Variants in ANKRD52 observed in about 807,000 individuals in gnomAD.
The protein encoded by ANKRD52 is ankyrin repeat domain 52.
A neutral mutation model predicts 116.0 loss-of-function variants in ANKRD52; 7 were observed. The ratio of observed to expected loss-of-function variants is 0.06; its 90% CI spans 0.03 to 0.11. The LOEUF (loss-of-function observed/expected upper bound fraction) is 0.11, where lower values mean the gene tolerates loss of function less well. Ranked by LOEUF, ANKRD52 falls within the 10% of genes least tolerant of loss-of-function variation. The pLI is 1.00. For synonymous variants in ANKRD52, 528 were observed against 578.1 expected (o/e 0.91, Z 1.24); for missense variants, 839 against 1,408.6 (o/e 0.60, Z 6.47).
At chr12:56,245,907 G>T (rs2135880357) in intron 20 of ANKRD52, among the ~76,000 whole-genome samples, 1 of 151,148 alleles carries the variant, frequency 6.6e-6, no homozygotes, top group South Asian at 2.1e-4. Context: ...AGTAGAGACA[G>T]GGTTTCACCA....
rs765622866 is a variant in ANKRD52, at chr12:56,254,841, A to AT, written c.550+23dup. 10 of 1,607,796 alleles carry AT rather than the reference A, an allele frequency of 6.2e-6. No individual in the cohort carries two copies. Among genetic ancestry groups the AT allele is most frequent in the Non-Finnish European group, 8.5e-6 (10 of 1,174,678 alleles). On this transcript the variant is annotated intron_variant, in intron 6 of 27. Coordinates refer to ENST00000267116, the MANE Select transcript of ANKRD52 (RefSeq NM_173595.4). This position sits in a 1 kb window ranked among gnomAD's most constrained non-coding sequence, Gnocchi z 4.6. ...AGGAATCCTAAATGTCAAATTTCTGATTTTCCCGTGTATTCTCTCTCACCT... is the reference window on the plus strand; with the variant it reads ...AGGAATCCTAAATGTCAAATTTCTGATTTTTCCCGTGTATTCTCTCTCACCT...
At position 56,253,093 on chromosome 12, in the gene ANKRD52, A is replaced by G. The variant is rs1871780807; in HGVS notation, c.1101-7T>C. 1 of 1,564,620 alleles carries G rather than the reference A, an allele frequency of 6.4e-7. No individual in the cohort carries two copies. Among genetic ancestry groups the G allele is most frequent in the Non-Finnish European group, 8.7e-7 (1 of 1,155,644 alleles). ...CATGTCATGGATGCCACGCCTAGAG[A>G]GAAGTTGAGGGACTCAGTCCTTGGG... is the stretch of plus-strand genomic sequence containing the variant. On this transcript the variant is annotated splice_region_variant and splice_polypyrimidine_tract_variant and intron_variant, in intron 10 of 27. Coordinates refer to ENST00000267116, the MANE Select transcript of ANKRD52 (RefSeq NM_173595.4). The surrounding 1 kb of genome is among the most constrained non-coding windows in gnomAD (Gnocchi z 5.5).
rs1565612296 is a variant in ANKRD52 at position 56,254,672 on chromosome 12, C to T, written c.599G>A (p.Gly200Asp). ...CCCATAGCCCTTGCGGTCCTTGCAG[C>T]CGAGGTCTGCTCCCCGTGCCACCAG... ...KLLVARGADL[G>D]CKDRKGYGLL... Residue 200 changes from glycine to aspartate, a missense_variant, in exon 7 of 28, where the codon GGC (glycine) becomes GAC (aspartate). By Grantham distance (94) the Gly-to-Asp change is moderately conservative. Around this residue, in one of 2 missense-constraint regions of ANKRD52, gnomAD observed 287 missense variants for 598.1 expected, o/e 0.48. Coordinates refer to ENST00000267116, the MANE Select transcript of ANKRD52 (RefSeq NM_173595.4). The surrounding 1 kb of genome is among the most constrained non-coding windows in gnomAD (Gnocchi z 4.6). 1.2e-6 allele frequency: 2 copies of T among 1,613,460 alleles called. No individual in the cohort carries two copies. The highest frequency in any genetic ancestry group is 1.7e-6 in the Non-Finnish European group (2 of 1,179,500).
chr12:56,253,577 T>C lies in ANKRD52; in HGVS notation c.985+145A>G. The C allele has an allele frequency of 1.0e-6, 1 of 995,794 alleles. No homozygotes were observed. Among genetic ancestry groups the C allele is most frequent in the South Asian group, 1.6e-5 (1 of 63,474 alleles). 61.7% of individuals were successfully genotyped at this position (995,794 alleles called of 1,614,324 possible). On this transcript the variant is annotated intron_variant, in intron 9 of 27. Coordinates refer to ENST00000267116, the MANE Select transcript of ANKRD52 (RefSeq NM_173595.4). The surrounding 1 kb of genome is among the most constrained non-coding windows in gnomAD (Gnocchi z 5.5). ...GACTGGGCAGGGCAGAGCAGGGCCATTTCCACAGGTCCCTTGGTCAGAGTT... is the reference window on the plus strand; with the variant it reads ...GACTGGGCAGGGCAGAGCAGGGCCACTTCCACAGGTCCCTTGGTCAGAGTT...
intron 4 of ANKRD52, among the ~76,000 whole-genome samples, chr12:56,256,226 T>C (rs1871946062): frequency 6.6e-6 from 1 of 152,174 alleles, no homozygotes; most frequent in Admixed American, 6.5e-5. Flanking sequence ...TCAAGCCACC[T>C]GACTCGCCAA....
rs774326864 is a variant in ANKRD52 at position 56,255,893 on chromosome 12, C to T, written c.353G>A (p.Arg118Gln). 3.2e-6 allele frequency: 5 copies of T among 1,571,696 alleles called. No homozygotes were observed. The highest frequency in any genetic ancestry group is 4.3e-6 in the Non-Finnish European group (5 of 1,158,092). The change falls in exon 5 of 28, where the codon CGG becomes CAG. Residue 118 changes from arginine to glutamine, a missense_variant. Coordinates refer to ENST00000267116, the MANE Select transcript of ANKRD52 (RefSeq NM_173595.4). The surrounding 1 kb of genome is among the most constrained non-coding windows in gnomAD (Gnocchi z 4.3). ...CAGAGCCTCAGCACACTTGGTGGCC[C>T]GGTTGGCAGCAGCCACATGCAGTGG... ...QTPLHVAAANRATKCAEALAP... is the reference protein window; with the variant it reads ...QTPLHVAAANQATKCAEALAP...
In ANKRD52 at chr12:56,252,720, G is replaced by T; in HGVS notation, c.1301+60C>A. ...AATAGATCTGGGCAGGCAAGAATGA[G>T]GGGCCCAGACCTTTGCCCAGCTCCC... is the stretch of plus-strand genomic sequence containing the variant. On this transcript the variant is annotated intron_variant, in intron 12 of 27. Coordinates refer to ENST00000267116, the MANE Select transcript of ANKRD52 (RefSeq NM_173595.4). The surrounding 1 kb of genome is among the most constrained non-coding windows in gnomAD (Gnocchi z 4.7). 2 of 1,573,974 alleles carry T rather than the reference G, an allele frequency of 1.3e-6. No homozygotes were observed. The highest frequency in any genetic ancestry group is 1.1e-5 in the South Asian group (1 of 89,992).
intron 15 of ANKRD52, among the ~76,000 whole-genome samples, chr12:56,251,404 C>T (rs1016470849): frequency 6.6e-6 from 1 of 150,926 alleles, no homozygotes. Context: ...GCCACCACAC[C>T]TGGTTAATTT....
rs75993234 is a variant in ANKRD52, at chr12:56,254,513, C to T, written c.693+65G>A. On this transcript the variant is annotated intron_variant, in intron 7 of 27. Coordinates refer to ENST00000267116, the MANE Select transcript of ANKRD52 (RefSeq NM_173595.4). The surrounding 1 kb of genome is among the most constrained non-coding windows in gnomAD (Gnocchi z 4.6). ...CCAACATCCCAATACCTCATATCTC[C>T]GTAACAGACTATAATCTCCTACTTG... 3.9e-3 allele frequency: 6,213 copies of T among 1,585,758 alleles called. 23 individuals carry two copies. Among genetic ancestry groups the T allele is most frequent in the South Asian group, 4.5e-3 (398 of 87,700 alleles).
chr12:56,246,148 G>A (rs1316320924), intron 20 of ANKRD52, among the ~76,000 whole-genome samples: 1 of 152,112 alleles, frequency 6.6e-6, no homozygotes. Context: ...TCCTGTCTCA[G>A]CCTCCCAAGT....
Position 56,252,727 on chromosome 12 carries a change from A to G in ANKRD52, c.1301+53T>C. The G allele has an allele frequency of 6.3e-7, 1 of 1,587,924 alleles. No individual in the cohort carries two copies. On this transcript the variant is annotated intron_variant, in intron 12 of 27. Coordinates refer to ENST00000267116, the MANE Select transcript of ANKRD52 (RefSeq NM_173595.4). This position sits in a 1 kb window ranked among gnomAD's most constrained non-coding sequence, Gnocchi z 4.7. ...CTGGGCAGGCAAGAATGAGGGGCCC[A>G]GACCTTTGCCCAGCTCCCTGCTCAA...
At position 56,255,916 on chromosome 12, in the gene ANKRD52, T is replaced by C. The variant is rs771855895; in HGVS notation, c.330A>G (p.Pro110=). The C allele has an allele frequency of 1.6e-5, 25 of 1,573,874 alleles. No homozygotes were observed. The South Asian group carries it at 2.7e-4, about 17-fold the overall frequency. ...CCCGGTTGGCAGCAGCCACATGCAGTGGTGTCTGCCACAGCTTGTCCCGGG... is the reference window on the plus strand; with the variant it reads ...CCCGGTTGGCAGCAGCCACATGCAGCGGTGTCTGCCACAGCTTGTCCCGGG... ...VNARDKLWQT[P]LHVAAANRAT... is the part of the protein sequence containing the mutation. The change falls in exon 5 of 28, where the codon CCA becomes CCG. Residue 110 remains proline (P), a synonymous_variant. Transcript: ENST00000267116. The surrounding 1 kb of genome is among the most constrained non-coding windows in gnomAD (Gnocchi z 4.3).
chr12:56,255,743 A>G lies in ANKRD52; in HGVS notation c.462+41T>C. The G allele has an allele frequency of 1.3e-6, 2 of 1,517,736 alleles. No individual in the cohort carries two copies. The highest frequency in any genetic ancestry group is 1.8e-6 in the Non-Finnish European group (2 of 1,120,264). The allele number at this position is 1,517,736 out of a possible 1,614,324, so 94.0% of individuals were successfully genotyped here. A position where few individuals can be genotyped will look rare whatever the true frequency, so the allele number is the denominator to read the frequency against. On this transcript the variant is annotated intron_variant, in intron 5 of 27. Transcript: ENST00000267116. This position sits in a 1 kb window ranked among gnomAD's most constrained non-coding sequence, Gnocchi z 4.3. The stretch of plus-strand genomic sequence containing the variant: ...GAAACGTGAGTAGGAAGGTAAGAAA[A>G]GGGAAAGCCCCAGCTGGGCCTGGAT...
At chr12:56,246,971 AAT>A (rs1164847626) in intron 20 of ANKRD52, among the ~76,000 whole-genome samples, 119 of 131,484 alleles carry the variant, frequency 9.1e-4, no homozygotes, top group South Asian at 1.7e-3. Context: ...TAATAATAAT[AAT>A]AAACAAAGCA....
At chr12:56,257,522 G>A (rs574482614) in intron 2 of ANKRD52, among the ~76,000 whole-genome samples, 161 bp from the exon 3 acceptor site, 1 of 152,298 alleles carries the variant, frequency 6.6e-6, no homozygotes, top group South Asian at 2.1e-4. Context: ...CAAGCACCTA[G>A]GGAGGGTGGA....
At position 56,254,180 on chromosome 12, in the gene ANKRD52, C is replaced by T. The variant is rs770238856; in HGVS notation, c.793G>A (p.Val265Ile). 6.2e-7 allele frequency: 1 copy of T among 1,613,972 alleles called. No homozygotes were observed. Among genetic ancestry groups the T allele is most frequent in the South Asian group, 1.1e-5 (1 of 91,074 alleles). The change falls in exon 8 of 28, where the codon GTC (valine) becomes ATC (isoleucine). Residue 265 changes from valine (V) to isoleucine (I), a missense_variant. By Grantham distance (29) the Val-to-Ile change is conservative (BLOSUM62 3). This residue lies in a region of ANKRD52 where 287 missense variants were observed against 598.1 expected (regional missense o/e 0.48). Coordinates refer to ENST00000267116, the MANE Select transcript of ANKRD52 (RefSeq NM_173595.4). This position sits in a 1 kb window ranked among gnomAD's most constrained non-coding sequence, Gnocchi z 4.6. Reference sequence around the variant, plus strand: ...AAGCCCTTGTCATTCGGCTGGTTGACATTGGCTCCGGCATTCACCAGCTCA... The same window carrying T: ...AAGCCCTTGTCATTCGGCTGGTTGATATTGGCTCCGGCATTCACCAGCTCA... ...AIELVNAGANVNQPNDKGFTP... is the reference protein window; with the variant it reads ...AIELVNAGANINQPNDKGFTP...
chr12:56,249,528 G>GT (rs1043867266), intron 15 of ANKRD52, among the ~76,000 whole-genome samples: 4 of 152,226 alleles, frequency 2.6e-5, no homozygotes, highest in Non-Finnish European at 4.4e-5. Flanking sequence ...CTTGCTGAAG[G>GT]TAATAGCTGA....
intron 4 of ANKRD52, 42 bp downstream of exon 4, chr12:56,256,973 C>T: frequency 1.9e-6 from 3 of 1,588,902 alleles, no homozygotes; most frequent in Middle Eastern, 1.8e-4. Flanking sequence ...CTTTAAGCAA[C>T]TTATCCTTTT....
In ANKRD52 at chr12:56,243,110, A is replaced by C; in HGVS notation, c.*32T>G. ...TCTAAATAAATAGAATTAGATATCA[A>C]GCCACCGGCGGGGGAGGGACACTGG... On this transcript the variant is annotated 3_prime_UTR_variant, in exon 28 of 28. Coordinates refer to ENST00000267116, the MANE Select transcript of ANKRD52 (RefSeq NM_173595.4). The surrounding 1 kb of genome is among the most constrained non-coding windows in gnomAD (Gnocchi z 4.6). 6.4e-7 allele frequency: 1 copy of C among 1,557,604 alleles called. No individual in the cohort carries two copies. The highest frequency in any genetic ancestry group is 1.2e-5 in the South Asian group (1 of 85,612).
Sources: allele counts gnomAD v4.1 joint callset (sites outside exome capture counted in the v4.1 genomes callset), GRCh38; gene constraint gnomAD v4.1.1; regional missense constraint gnomAD v4.1.1; non-coding constraint Gnocchi (gnomAD v3.1); transcripts MANE v1.5; gene names NCBI Gene and HGNC (gene_info 2026-07-23, HGNC 2026-07-21).